Variants in FAM171A1 observed in about 807,000 individuals in gnomAD.
The protein encoded by FAM171A1 is family with sequence similarity 171 member A1, also known as protein FAM171A1.
FAM171A1 carries 23 observed loss-of-function variants against 74.9 expected under a neutral mutation model. That is an observed-to-expected ratio of 0.31 (90% CI 0.22 to 0.44). FAM171A1 has a LOEUF of 0.44. Ranked by LOEUF, FAM171A1 falls within the 20% of genes least tolerant of loss-of-function variation. The probability of loss-of-function intolerance (pLI) is 1.00; values close to 1 mark genes in which losing one functional copy is unlikely to be tolerated. For missense variants in FAM171A1, 1,162 were observed against 1,159.2 expected, an observed-to-expected ratio of 1.00 and a Z score of -0.03; for synonymous variants, 527 against 505.7, an observed-to-expected ratio of 1.04 and a Z score of -0.57.
At chr10:15,261,300 T>C (rs758483803) in intron 3 of FAM171A1, among the ~76,000 whole-genome samples, 2 of 152,184 alleles carry the variant, frequency 1.3e-5, no homozygotes, top group African/African-American at 2.4e-5. Context: ...TTTTCTGAGA[T>C]GCCATTTAGC....
At chr10:15,355,043 G>A (rs7907196) in intron 1 of FAM171A1, among the ~76,000 whole-genome samples, 11,493 of 152,238 alleles carry the variant, frequency 0.075, 805 homozygotes, top group African/African-American at 0.19. Flanking sequence ...TTAATGAAGC[G>A]TCTCAAGTAA....
At chr10:15,275,034 T>C (rs925398096) in intron 3 of FAM171A1, among the ~76,000 whole-genome samples, 1 of 152,042 alleles carries the variant, frequency 6.6e-6, no homozygotes, top group African/African-American at 2.4e-5. Flanking sequence ...TTCTCACTCA[T>C]AGGTGGGAAA....
intron 3 of FAM171A1, among the ~76,000 whole-genome samples, chr10:15,268,998 C>T (rs189862214): frequency 2.0e-5 from 3 of 152,182 alleles, no homozygotes; most frequent in South Asian, 2.1e-4. Flanking sequence ...GCCAAGATCA[C>T]GCCACTGCAC....
chr10:15,257,591 TG>T (rs1834597033), intron 3 of FAM171A1, among the ~76,000 whole-genome samples: 1 of 151,988 alleles, frequency 6.6e-6, no homozygotes, highest in African/African-American at 2.4e-5. Context: ...CTGCTGGGGC[TG>T]GGGGCTGGGG....
chr10:15,214,673 A>G, intron 7 of FAM171A1, 72 bp from the exon 8 acceptor site: 1 of 1,489,758 alleles, frequency 6.7e-7, no homozygotes, highest in Non-Finnish European at 8.9e-7. Context: ...AGTTTCAGGT[A>G]AAATCCTAAT....
intron 1 of FAM171A1, among the ~76,000 whole-genome samples, chr10:15,345,529 G>T (rs559761193): frequency 6.6e-6 from 1 of 152,130 alleles, no homozygotes; most frequent in African/African-American, 2.4e-5. Flanking sequence ...CAGGGTGGCC[G>T]GGGAGTGAGG....
intron 4 of FAM171A1, among the ~76,000 whole-genome samples, chr10:15,249,757 A>G (rs1019954461): frequency 2.6e-5 from 4 of 152,246 alleles, no homozygotes; most frequent in Non-Finnish European, 4.4e-5. Flanking sequence ...ATTATTTTCC[A>G]TTAAAGGCCT....
chr10:15,251,180 T>G (rs1009342285), intron 4 of FAM171A1, among the ~76,000 whole-genome samples: 1 of 152,120 alleles, frequency 6.6e-6, no homozygotes, highest in Non-Finnish European at 1.5e-5. Flanking sequence ...CAGAAGTAAG[T>G]AGAGCATTGC....
At chr10:15,357,665 T>C (rs1232536382) in intron 1 of FAM171A1, among the ~76,000 whole-genome samples, 4 of 152,214 alleles carry the variant, frequency 2.6e-5, no homozygotes, top group African/African-American at 9.7e-5. Flanking sequence ...AGATACATGC[T>C]GAAGTATTTA....
At chr10:15,368,226 C>T (rs879483608) in intron 1 of FAM171A1, among the ~76,000 whole-genome samples, 1 of 152,208 alleles carries the variant, frequency 6.6e-6, no homozygotes, top group Non-Finnish European at 1.5e-5. Flanking sequence ...CAATTCGAAG[C>T]AGCTACGGGA....
intron 2 of FAM171A1, among the ~76,000 whole-genome samples, chr10:15,278,416 C>T (rs968503462): frequency 1.7e-4 from 26 of 152,106 alleles, no homozygotes; most frequent in Admixed American, 3.3e-4. Flanking sequence ...CCAAGAGAAC[C>T]GAAAACCTAC....
intron 1 of FAM171A1, among the ~76,000 whole-genome samples, chr10:15,355,930 C>T (rs551870960): frequency 5.4e-4 from 82 of 152,086 alleles, no homozygotes; most frequent in Middle Eastern, 3.4e-3. Flanking sequence ...CATGCACACA[C>T]ACCTATCCAC....
chr10:15,333,003 C>T (rs528193704), intron 1 of FAM171A1, among the ~76,000 whole-genome samples: 84 of 152,326 alleles, frequency 5.5e-4, no homozygotes, highest in African/African-American at 1.8e-3. Context: ...TATAGTGCAA[C>T]TCTTCCCTTT....
At chr10:15,350,321 A>G (rs1342064676) in intron 1 of FAM171A1, among the ~76,000 whole-genome samples, 1 of 151,864 alleles carries the variant, frequency 6.6e-6, no homozygotes, top group Non-Finnish European at 1.5e-5. Flanking sequence ...CCTGCTCTAT[A>G]TCATTAATTT....
chr10:15,331,315 T>G (rs1370843671), intron 1 of FAM171A1, among the ~76,000 whole-genome samples: 1 of 152,186 alleles, frequency 6.6e-6, no homozygotes, highest in Non-Finnish European at 1.5e-5. Context: ...AGTTGAATAC[T>G]TTCCTCAAAG....
intron 3 of FAM171A1, among the ~76,000 whole-genome samples, chr10:15,257,659 C>T (rs1373042765): frequency 1.3e-5 from 2 of 152,050 alleles, no homozygotes; most frequent in Non-Finnish European, 2.9e-5. Flanking sequence ...GCCGGTGCAG[C>T]TTATCTGACA....
intron 1 of FAM171A1, among the ~76,000 whole-genome samples, chr10:15,353,490 G>A (rs189534526): frequency 6.6e-6 from 1 of 151,968 alleles, no homozygotes; most frequent in African/African-American, 2.4e-5. Flanking sequence ...CTAAATAGAC[G>A]TATGGCTCTA....
At chr10:15,357,297 A>C (rs1031636732) in intron 1 of FAM171A1, among the ~76,000 whole-genome samples, 24 of 152,294 alleles carry the variant, frequency 1.6e-4, no homozygotes, top group African/African-American at 5.8e-4. Flanking sequence ...TAAATAAATA[A>C]ATAAATAAAC....
rs770102267 is a variant in FAM171A1 at position 15,364,530 on chromosome 10, TATTCAC to T, written c.97+6420_97+6425del. ...CCACCATCCTGTGTGGGCGAATCTC[TATTCAC>T]AGTTCTTAGGGGTTAGGGTCTGTGT... On this transcript the variant is annotated intron_variant, in intron 1 of 7. Transcript: ENST00000378116. Among the ~76,000 whole-genome samples the T allele has an allele frequency of 2.6e-3, 402 of 152,314 alleles. 3 individuals carry two copies. The highest frequency in any genetic ancestry group is 4.6e-3 in the Non-Finnish European group (313 of 68,024).
Sources: gnomAD v4.1 joint callset for allele counts (sites outside exome capture counted in the v4.1 genomes callset) on GRCh38, gnomAD v4.1.1 for gene constraint, MANE v1.5 for transcripts, NCBI Gene and HGNC (gene_info 2026-07-23, HGNC 2026-07-21) for gene names.